The following ZBTB20 variants were observed in gnomAD, a reference collection of about 807,000 sequenced individuals.
ZBTB20 encodes the protein zinc finger and BTB domain containing 20.
In ZBTB20, 9 loss-of-function variants were observed where a neutral mutation model predicts 56.9. The observed-to-expected ratio is 0.16, with a 90% CI of 0.10 to 0.28. The LOEUF is 0.28. Ranked by LOEUF, ZBTB20 falls within the 10% of genes least tolerant of loss-of-function variation. The pLI is 1.00. For missense variants in ZBTB20, 655 were observed against 1,003.0 expected, an observed-to-expected ratio of 0.65 and a Z score of 4.69; for synonymous variants, 417 against 420.7, an observed-to-expected ratio of 0.99 and a Z score of 0.11.
At chr3:114,843,864 T>A (rs1250434414) in intron 4 of ZBTB20, among the ~76,000 whole-genome samples, 1 of 151,650 alleles carries the variant, frequency 6.6e-6, no homozygotes, top group Non-Finnish European at 1.5e-5. Context: ...TTTTTGTATT[T>A]TGAGTAGAGA....
intron 2 of ZBTB20, among the ~76,000 whole-genome samples, chr3:115,037,769 A>G (rs958168266): frequency 6.6e-6 from 1 of 152,184 alleles, no homozygotes; most frequent in African/African-American, 2.4e-5. Flanking sequence ...ATCTAGGGGG[A>G]GGAATGTGGT....
At chr3:114,511,615 A>G (rs1351647664) in intron 6 of ZBTB20, among the ~76,000 whole-genome samples, 1 of 152,106 alleles carries the variant, frequency 6.6e-6, no homozygotes, top group African/African-American at 2.4e-5. Flanking sequence ...GAATTCTATA[A>G]TTCTTAGTTC....
intron 6 of ZBTB20, among the ~76,000 whole-genome samples, chr3:114,605,957 G>A (rs2107656969): frequency 6.6e-6 from 1 of 152,286 alleles, no homozygotes; most frequent in South Asian, 2.1e-4. Context: ...AGATTGTGAT[G>A]GAAGCACTAC....
At chr3:114,377,011 G>A (rs1352715959) in intron 10 of ZBTB20, among the ~76,000 whole-genome samples, 2 of 152,210 alleles carry the variant, frequency 1.3e-5, no homozygotes, top group East Asian at 3.8e-4. Context: ...CTTGATAGCT[G>A]TCAAGAAAGG....
rs371050881 is a variant in ZBTB20, at chr3:114,347,092, T to G, written c.1804+3182A>C. Among the ~76,000 whole-genome samples the G allele has an allele frequency of 2.3e-3, 324 of 138,072 alleles. 7 individuals carry two copies. The highest frequency in any genetic ancestry group is 3.6e-3 in the Middle Eastern group (1 of 276). The allele number at this position is 138,072 out of a possible 152,430, so 90.6% of individuals were successfully genotyped here. On this transcript the variant is annotated intron_variant, in intron 11 of 11. Transcript: ENST00000675478. ...TTCTCTTCAGGTTTTTTTTTTTTTTTTTTTTTTTTTTTTTTTTTAAGAGAT... is the reference window on the plus strand; with the variant it reads ...TTCTCTTCAGGTTTTTTTTTTTTTTGTTTTTTTTTTTTTTTTTTAAGAGAT...
At chr3:115,001,258 T>G (rs2108213720) in intron 2 of ZBTB20, among the ~76,000 whole-genome samples, 1 of 151,510 alleles carries the variant, frequency 6.6e-6, no homozygotes, top group Non-Finnish European at 1.5e-5. Flanking sequence ...AAAGATAAAT[T>G]CTAGCACTCT....
chr3:114,639,920 T>G lies in ZBTB20; in HGVS notation c.-295+53608A>C, dbSNP rs183940379. On this transcript the variant is annotated intron_variant, in intron 6 of 11. Coordinates refer to ENST00000675478, the MANE Select transcript of ZBTB20 (RefSeq NM_001348800.3). ...TGTTTTCAAAAGAATATTTATTTTT[T>G]TGCCCATTATAAAGATATTCTAAGA... 7.8e-4 allele frequency among the ~76,000 whole-genome samples: 119 copies of G among 152,198 alleles called. 1 individual carries two copies. The highest frequency in any genetic ancestry group is 2.9e-3 in the Admixed American group (44 of 15,258).
Position 114,328,069 on chromosome 3 carries a change from C to T in ZBTB20, c.*10936G>A, listed in dbSNP as rs1194245975. ...AGGTGCTGGGGAGTGCACTGCATGG[C>T]TCTTTAGGTATCCATTTAGCTCTGT... On this transcript the variant is annotated 3_prime_UTR_variant, in exon 12 of 12. Transcript: ENST00000675478. The T allele has an allele frequency of 1.3e-5, 2 of 152,066 alleles. No individual in the cohort carries two copies. Among genetic ancestry groups the T allele is most frequent in the African/African-American group, 4.8e-5 (2 of 41,386 alleles). 9.4% of individuals were successfully genotyped at this position (152,066 alleles called of 1,614,324 possible).
At chr3:114,849,837 T>A (rs970868098) in intron 4 of ZBTB20, among the ~76,000 whole-genome samples, 1 of 151,380 alleles carries the variant, frequency 6.6e-6, no homozygotes, top group Non-Finnish European at 1.5e-5. Flanking sequence ...TCTCCTCTAC[T>A]GAGGATCTGA....
chr3:115,037,471 G>C (rs1267978671), intron 2 of ZBTB20, among the ~76,000 whole-genome samples: 1 of 152,094 alleles, frequency 6.6e-6, no homozygotes, highest in Non-Finnish European at 1.5e-5. Context: ...TTTTAGTAGA[G>C]GCAGGGTTTC....
rs148173645 is a variant in ZBTB20, at chr3:115,000,679, G to A, written c.-506-26263C>T. Among the ~76,000 whole-genome samples the A allele has an allele frequency of 5.3e-5, 8 of 151,642 alleles. No homozygotes were observed. In the East Asian group the frequency reaches 5.9e-4, roughly 11 times the overall value. On this transcript the variant is annotated intron_variant, in intron 2 of 11. Coordinates refer to ENST00000675478, the MANE Select transcript of ZBTB20 (RefSeq NM_001348800.3). ...AAAACAGCTACTTTACCTTATGTGC[G>A]ACTCATAAACATTTAACTCAGTGTT...
intron 6 of ZBTB20, among the ~76,000 whole-genome samples, chr3:114,612,564 C>T (rs1046427704): frequency 1.3e-5 from 2 of 152,130 alleles, no homozygotes; most frequent in African/African-American, 4.8e-5. Flanking sequence ...TATATATCCA[C>T]ATGTAATGGT....
intron 6 of ZBTB20, among the ~76,000 whole-genome samples, chr3:114,643,506 C>T (rs2059669297): frequency 6.6e-6 from 1 of 152,052 alleles, no homozygotes; most frequent in African/African-American, 2.4e-5. Flanking sequence ...CACCTGAATG[C>T]ATTTTGGCAA....
At chr3:115,108,890 T>C (rs1037360157) in intron 1 of ZBTB20, among the ~76,000 whole-genome samples, 1 of 152,146 alleles carries the variant, frequency 6.6e-6, no homozygotes, top group Non-Finnish European at 1.5e-5. Flanking sequence ...TGGGGAAAAG[T>C]GGCACGGAGT....
intron 1 of ZBTB20, among the ~76,000 whole-genome samples, chr3:115,082,745 A>T (rs1482908980): frequency 6.6e-6 from 1 of 152,084 alleles, no homozygotes; most frequent in African/African-American, 2.4e-5. Context: ...AATGATAGAG[A>T]CAAAGAAAAA....
chr3:114,386,119 T>C (rs2085087131), intron 8 of ZBTB20, among the ~76,000 whole-genome samples: 1 of 152,176 alleles, frequency 6.6e-6, no homozygotes, highest in African/African-American at 2.4e-5. Context: ...TAGAAGCCCA[T>C]CAAGCCTGGA....
chr3:115,080,030 C>A (rs1490079639), intron 1 of ZBTB20, among the ~76,000 whole-genome samples: 1 of 152,102 alleles, frequency 6.6e-6, no homozygotes, highest in African/African-American at 2.4e-5. Context: ...AATGTTCATG[C>A]CCAAATTTAT....
intron 7 of ZBTB20, among the ~76,000 whole-genome samples, chr3:114,402,250 T>C (rs1182595322): frequency 6.6e-6 from 1 of 151,792 alleles, no homozygotes; most frequent in Non-Finnish European, 1.5e-5. Flanking sequence ...TAAAAAGGAG[T>C]GATGAGATGG....
At chr3:114,366,176 A>G (rs1434176648) in intron 10 of ZBTB20, among the ~76,000 whole-genome samples, 1 of 152,244 alleles carries the variant, frequency 6.6e-6, no homozygotes, top group Non-Finnish European at 1.5e-5. Flanking sequence ...ATAAACATTT[A>G]ACAAGTACGC....
Sources: allele counts gnomAD v4.1 joint callset (sites outside exome capture counted in the v4.1 genomes callset), GRCh38; gene constraint gnomAD v4.1.1; transcripts MANE v1.5; gene names NCBI Gene and HGNC (gene_info 2026-07-23, HGNC 2026-07-21).